URB2: variants seen among roughly 807,000 people sequenced by gnomAD.
URB2 encodes URB2 ribosome biogenesis homolog.
Under a neutral mutation model 120.9 loss-of-function variants are expected in URB2, and 86 were observed. The observed-to-expected ratio is 0.71, with a 90% confidence interval of 0.60 to 0.85. URB2 has a LOEUF of 0.85. Ranked by LOEUF, URB2 falls within the 40% of genes least tolerant of loss-of-function variation. The pLI, the probability that URB2 is intolerant of heterozygous loss-of-function variation, is 0.00. For missense variants in URB2, 1,765 were observed against 1,836.5 expected, an observed-to-expected ratio of 0.96 and a Z score of 0.71; for synonymous variants, 755 against 758.4, an observed-to-expected ratio of 1.00 and a Z score of 0.07.
rs777731492 is a variant in URB2, at chr1:229,635,549, A to G, written c.936A>G (p.Leu312=). 20 of 1,613,916 alleles carry G rather than the reference A, an allele frequency of 1.2e-5. No individual in the cohort carries two copies. The African/African-American group carries it at 2.1e-4, about 17-fold the overall frequency. The change falls in exon 4 of 10, where the codon CTA becomes CTG. Residue 312 remains leucine, a synonymous_variant. Transcript: ENST00000258243. The part of the protein sequence containing the change: ...NSVALLYKLF[L]DSYFKEGNQL... ...TGGCCTTGCTGTATAAGCTCTTTCT[A>G]GATTCTTACTTTAAGGAGGGAAACC...
Position 229,647,543 on chromosome 1 carries a change from G to A in URB2, c.3940G>A (p.Val1314Met). 6.2e-7 allele frequency: 1 copy of A among 1,614,150 alleles called. No individual in the cohort carries two copies. Reference sequence around the variant, plus strand: ...CCGAGAAGCTTCTCAGGAGCAGCCTGTGTCCCTCACAGTGGTCGGGCCTGT... The same window carrying A: ...CCGAGAAGCTTCTCAGGAGCAGCCTATGTCCCTCACAGTGGTCGGGCCTGT... ...LNREASQEQP[V>M]SLTVVGPVLD... The change falls in exon 7 of 10, where the codon GTG becomes ATG. Residue 1314 changes from valine to methionine, a missense_variant. By Grantham distance (21) the Val-to-Met change is conservative. Coordinates refer to ENST00000258243, the MANE Select transcript of URB2 (RefSeq NM_014777.4).
chr1:229,629,082 A>G (rs760372166), intron 2 of URB2, among the ~76,000 whole-genome samples: 7 of 152,196 alleles, frequency 4.6e-5, no homozygotes, highest in Non-Finnish European at 1.0e-4. Context: ...ATCTGTCACT[A>G]TTCATACTGT....
chr1:229,646,889 G>A (rs1666157643), intron 6 of URB2, among the ~76,000 whole-genome samples: 1 of 152,174 alleles, frequency 6.6e-6, no homozygotes, highest in African/African-American at 2.4e-5. Context: ...GCATGTTCCT[G>A]GGGCAAAAGG....
chr1:229,644,723 C>G (rs895662275), intron 5 of URB2, among the ~76,000 whole-genome samples: 1 of 151,992 alleles, frequency 6.6e-6, no homozygotes, highest in Non-Finnish European at 1.5e-5. Context: ...AAGGCAGAAG[C>G]CAGGACTTTG....
Position 229,637,193 on chromosome 1 carries a change from A to G in URB2, c.2580A>G (p.Gly860=). The G allele has an allele frequency of 6.2e-7, 1 of 1,613,828 alleles. No homozygotes were observed. The highest frequency in any genetic ancestry group is 8.5e-7 in the Non-Finnish European group (1 of 1,179,790). ...GHWENRFAKA[G]PEGIEPRGEI... Reference sequence around the variant, plus strand: ...GGGAAAACAGATTTGCAAAAGCTGGACCCGAAGGTATAGAACCTAGAGGAG... The same window carrying G: ...GGGAAAACAGATTTGCAAAAGCTGGGCCCGAAGGTATAGAACCTAGAGGAG... The change falls in exon 4 of 10, where the codon GGA becomes GGG. Residue 860 remains glycine (G), a synonymous_variant. Transcript: ENST00000258243.
At chr1:229,654,025 C>T (rs193157192) in intron 8 of URB2, among the ~76,000 whole-genome samples, 18 of 150,474 alleles carry the variant, frequency 1.2e-4, no homozygotes, top group African/African-American at 2.5e-4. Flanking sequence ...TAAAAACACC[C>T]GAGCACTCTT....
chr1:229,630,912 G>A (rs1439848783), intron 2 of URB2, among the ~76,000 whole-genome samples: 1 of 149,960 alleles, frequency 6.7e-6, no homozygotes, highest in Admixed American at 6.7e-5. Context: ...AACCTGGGAG[G>A]TGGAGGTTGC....
chr1:229,655,613 T>C (rs1452624659), intron 9 of URB2, among the ~76,000 whole-genome samples: 2 of 152,234 alleles, frequency 1.3e-5, no homozygotes, highest in African/African-American at 4.8e-5. Flanking sequence ...CATAGTAAGT[T>C]CACTACAGAA....
chr1:229,654,843 A>T (rs1666369973), intron 9 of URB2, among the ~76,000 whole-genome samples: 1 of 152,234 alleles, frequency 6.6e-6, no homozygotes, highest in Non-Finnish European at 1.5e-5. Context: ...CAGAGGGCTC[A>T]GTGGTGCCTT....
At position 229,637,862 on chromosome 1, in the gene URB2, A is replaced by G; in HGVS notation, c.3249A>G (p.Ala1083=). The change falls in exon 4 of 10, where the codon GCA becomes GCG. Residue 1083 remains alanine (A), a synonymous_variant. Coordinates refer to ENST00000258243, the MANE Select transcript of URB2 (RefSeq NM_014777.4). The stretch of plus-strand genomic sequence containing the variant: ...AGCTGGGCCAAGAGGCCCCAGCAGC[A>G]CTGTCTGAGCTGCTGCAGCAGGTTG... ...EQKLGQEAPA[A]LSELLQQVVL... The G allele has an allele frequency of 1.2e-6, 2 of 1,603,062 alleles. No individual in the cohort carries two copies. The highest frequency in any genetic ancestry group is 1.3e-5 in the African/African-American group (1 of 74,458).
intron 4 of URB2, among the ~76,000 whole-genome samples, chr1:229,642,227 G>C (rs1050769193): frequency 6.6e-6 from 1 of 152,330 alleles, no homozygotes; most frequent in South Asian, 2.1e-4. Context: ...CCCTTGAAGG[G>C]TAGCTAGGGC....
At chr1:229,655,772 C>T (rs953647973) in intron 9 of URB2, among the ~76,000 whole-genome samples, 3 of 152,156 alleles carry the variant, frequency 2.0e-5, no homozygotes, top group Non-Finnish European at 4.4e-5. Flanking sequence ...ACCCATTTCC[C>T]CTTTGTAAAT....
In URB2 at chr1:229,637,389, G is replaced by T. The variant is rs751178377; in HGVS notation, c.2776G>T (p.Val926Phe). ...TTTTCTTGTGTTACTGTCCATGGCC[G>T]TCACCAAACTAGGATGCTCTTGCTC... ...HYFLVLLSMA[V>F]TKLGCSCSSS... The change falls in exon 4 of 10, where the codon GTC becomes TTC. Residue 926 changes from valine to phenylalanine, a missense_variant. Physicochemically the swap from Val to Phe is conservative, Grantham distance 50. Transcript: ENST00000258243. The T allele has an allele frequency of 1.9e-6, 3 of 1,614,170 alleles. No individual in the cohort carries two copies. The East Asian group carries it at 6.7e-5, about 36-fold the overall frequency.
chr1:229,645,353 A>T (rs547156732), intron 5 of URB2, among the ~76,000 whole-genome samples: 1 of 152,220 alleles, frequency 6.6e-6, no homozygotes, highest in East Asian at 1.9e-4. Flanking sequence ...ATATTTTGAA[A>T]CATGTGACCC....
chr1:229,630,697 C>T (rs1302378452), intron 2 of URB2, among the ~76,000 whole-genome samples: 2 of 152,082 alleles, frequency 1.3e-5, no homozygotes, highest in Admixed American at 1.3e-4. Flanking sequence ...TATGAAAGTC[C>T]TAGATGGTAG....
intron 5 of URB2, among the ~76,000 whole-genome samples, chr1:229,645,467 G>T (rs1248938187): frequency 6.6e-6 from 1 of 152,068 alleles, no homozygotes; most frequent in Non-Finnish European, 1.5e-5. Flanking sequence ...CTGTAAGCGT[G>T]CATCGTTGCT....
Position 229,647,585 on chromosome 1 carries a change from G to A in URB2, c.3982G>A (p.Ala1328Thr), listed in dbSNP as rs1666178807. ...VVGPVLDVLA[A>T]LLRQGEEAIG... Reference sequence around the variant, plus strand: ...CGGGCCTGTCTTAGATGTCCTGGCTGCACTGCTGCGGCAGGGGGAGGAGGC... The same window carrying A: ...CGGGCCTGTCTTAGATGTCCTGGCTACACTGCTGCGGCAGGGGGAGGAGGC... The change falls in exon 7 of 10, where the codon GCA becomes ACA. Residue 1328 changes from alanine to threonine, a missense_variant. Ala to Thr is a moderately conservative substitution (Grantham distance 58). Coordinates refer to ENST00000258243, the MANE Select transcript of URB2 (RefSeq NM_014777.4). 4.3e-6 allele frequency: 7 copies of A among 1,614,116 alleles called. No individual in the cohort carries two copies. Among genetic ancestry groups the A allele is most frequent in the Non-Finnish European group, 5.9e-6 (7 of 1,180,056 alleles).
chr1:229,636,856 C>A lies in URB2; in HGVS notation c.2243C>A (p.Thr748Lys). ...TGGCACTTGATTGTGTCAAATCTCACAATTTTAATATCCTATCTGTGTCCA... is the reference window on the plus strand; with the variant it reads ...TGGCACTTGATTGTGTCAAATCTCAAAATTTTAATATCCTATCTGTGTCCA... Reference protein sequence around the residue: ...AHWHLIVSNLTILISYLCPDD... With the variant: ...AHWHLIVSNLKILISYLCPDD... Residue 748 changes from threonine to lysine, a missense_variant, in exon 4 of 10, where the codon ACA (threonine) becomes AAA (lysine). Physicochemically the swap from Thr to Lys is moderately conservative, Grantham distance 78. Transcript: ENST00000258243. The A allele has an allele frequency of 6.2e-7, 1 of 1,611,122 alleles. No homozygotes were observed. The highest frequency in any genetic ancestry group is 1.1e-5 in the South Asian group (1 of 90,918).
rs78966145 is a variant in URB2 at position 229,633,226 on chromosome 1, C to T, written c.303+781C>T. 2.6e-3 allele frequency among the ~76,000 whole-genome samples: 390 copies of T among 152,250 alleles called. 7 individuals carry two copies. Among genetic ancestry groups the T allele is most frequent in the African/African-American group, 9.2e-3 (381 of 41,542 alleles). ...GAACGAAGGTTGAGCTGCCCAATGG[C>T]GCATAGGGCTTAATGGTTCTTGAGA... On this transcript the variant is annotated intron_variant, in intron 3 of 9. Coordinates refer to ENST00000258243, the MANE Select transcript of URB2 (RefSeq NM_014777.4).
Sources: allele counts gnomAD v4.1 joint callset (sites outside exome capture counted in the v4.1 genomes callset), GRCh38; gene constraint gnomAD v4.1.1; transcripts MANE v1.5; gene names NCBI Gene and HGNC (gene_info 2026-07-23, HGNC 2026-07-21).